SEC14L1: variants seen among roughly 807,000 people sequenced by gnomAD.
SEC14L1 encodes SEC14 like lipid binding 1, also known as SEC14-like protein 1.
In SEC14L1, 48 loss-of-function variants were observed where a neutral mutation model predicts 85.3. That is an observed-to-expected ratio of 0.56 (90% CI 0.45 to 0.72). SEC14L1 has a LOEUF of 0.72. Among genes scored for constraint, SEC14L1 ranks in the 30% least tolerant of loss-of-function variants. The pLI is 0.00. For synonymous variants in SEC14L1, 391 were observed against 355.5 expected, an observed-to-expected ratio of 1.10 and a Z score of -1.12; for missense variants, 682 against 921.4, an observed-to-expected ratio of 0.74 and a Z score of 3.36.
At position 77,191,305 on chromosome 17, in the gene SEC14L1, G is replaced by A. The variant is rs749420346; in HGVS notation, c.338G>A (p.Cys113Tyr). The change falls in exon 5 of 17, where the codon TGC (cysteine) becomes TAC (tyrosine). Residue 113 changes from cysteine to tyrosine, a missense_variant. Cys to Tyr is a radical substitution (Grantham distance 194, BLOSUM62 -2). Coordinates refer to ENST00000436233, the MANE Select transcript of SEC14L1 (RefSeq NM_001143998.2). ...SNRVIINEHCCYTVHPENEDW... is the reference protein window; with the variant it reads ...SNRVIINEHCYYTVHPENEDW... ...CGGGTCATCATTAATGAGCATTGCT[G>A]CTACACCGTGAGTAATCTGTCACTC... 1.9e-6 allele frequency: 3 copies of A among 1,614,138 alleles called. No individual in the cohort carries two copies. The highest frequency in any genetic ancestry group is 1.7e-5 in the Admixed American group (1 of 60,028).
intron 5 of SEC14L1, among the ~76,000 whole-genome samples, chr17:77,192,534 G>A (rs192295745): frequency 8.8e-4 from 134 of 152,248 alleles, no homozygotes; most frequent in Non-Finnish European, 1.3e-4. Context: ...GCTCCAAGGT[G>A]CTCGCTGTGC....
chr17:77,213,776 G>T lies in SEC14L1; in HGVS notation c.2043-142G>T. ...CCGGTCCCCCTGGTGGGTTACTCAT[G>T]TCCATCCCCCGTTTGCAAGCACTGA... On this transcript the variant is annotated intron_variant, in intron 16 of 16. Transcript: ENST00000436233. This position sits in a 1 kb window ranked among gnomAD's most constrained non-coding sequence, Gnocchi z 7.1. 1 of 1,127,612 alleles carries T rather than the reference G, an allele frequency of 8.9e-7. No homozygotes were observed. The highest frequency in any genetic ancestry group is 1.3e-6 in the Non-Finnish European group (1 of 760,150). 69.9% of individuals were successfully genotyped at this position (1,127,612 alleles called of 1,614,324 possible). A position where few individuals can be genotyped will look rare whatever the true frequency, so the allele number is the denominator to read the frequency against.
intron 3 of SEC14L1, among the ~76,000 whole-genome samples, chr17:77,166,829 A>G (rs1292013369): frequency 6.6e-6 from 1 of 152,192 alleles, no homozygotes; most frequent in Non-Finnish European, 1.5e-5. Context: ...ACAGAGCAAG[A>G]CTCAGTCTCA....
intron 3 of SEC14L1, among the ~76,000 whole-genome samples, chr17:77,115,633 C>T (rs1380617185): frequency 2.0e-5 from 3 of 152,164 alleles, no homozygotes; most frequent in Admixed American, 6.5e-5. Context: ...GATGCTGCCC[C>T]CTCCAAGAGA....
exon 1 of SEC14L1, chr17:77,088,821 T>A (rs1253419061): frequency 6.8e-6 from 1 of 146,828 alleles, no homozygotes; most frequent in East Asian, 2.0e-4. Flanking sequence ...GCCTGCGGAA[T>A]TGGGCTCGCC....
At chr17:77,100,137 C>CT (rs1221280414) in intron 3 of SEC14L1, among the ~76,000 whole-genome samples, 1 of 152,264 alleles carries the variant, frequency 6.6e-6, no homozygotes, top group Admixed American at 6.5e-5. Context: ...CGCTGCTTCT[C>CT]TTTGAGTCAT....
Position 77,206,850 on chromosome 17 carries a change from T to C in SEC14L1, c.1464T>C (p.Ser488=). ...AAGAGATTATTCCAGATTTCCTGAGTGGGGAGTGCATGGTATGTCCTGAGG... is the reference window on the plus strand; with the variant it reads ...AAGAGATTATTCCAGATTTCCTGAGCGGGGAGTGCATGGTATGTCCTGAGG... ...IDKEIIPDFL[S]GECMCEVPEG... Residue 488 remains serine (S), a synonymous_variant, in exon 13 of 17, where the codon AGT becomes AGC. Coordinates refer to ENST00000436233, the MANE Select transcript of SEC14L1 (RefSeq NM_001143998.2). The surrounding 1 kb of genome is among the most constrained non-coding windows in gnomAD (Gnocchi z 4.3). 1 of 1,605,694 alleles carries C rather than the reference T, an allele frequency of 6.2e-7. No homozygotes were observed. Among genetic ancestry groups the C allele is most frequent in the Non-Finnish European group, 8.5e-7 (1 of 1,176,642 alleles).
intron 3 of SEC14L1, among the ~76,000 whole-genome samples, chr17:77,135,100 T>G (rs1351876999): frequency 1.3e-5 from 2 of 152,178 alleles, no homozygotes; most frequent in Non-Finnish European, 2.9e-5. Context: ...CTATCTTATT[T>G]CTCGTTCTGT....
At chr17:77,182,192 T>C (rs1186605542) in intron 3 of SEC14L1, among the ~76,000 whole-genome samples, 1 of 152,134 alleles carries the variant, frequency 6.6e-6, no homozygotes, top group Non-Finnish European at 1.5e-5. Flanking sequence ...TTAGGTTGAG[T>C]TTGTTTTGAA....
intron 9 of SEC14L1, among the ~76,000 whole-genome samples, chr17:77,201,836 C>T (rs1976163680): frequency 1.3e-5 from 2 of 152,162 alleles, no homozygotes; most frequent in South Asian, 4.1e-4. Flanking sequence ...AAATGTTTTG[C>T]TTTAAGTAGA....
In SEC14L1 at chr17:77,112,970, A is replaced by C. The variant is rs559492769; in HGVS notation, c.-136+19623A>C. ...CACTTAAGACCAGGAGTTCGAGACC[A>C]GCCTAGGCAGCAAAGCAAGACTCTT... On this transcript the variant is annotated intron_variant, in intron 3 of 19. Transcript: ENST00000392476. Among the ~76,000 whole-genome samples the C allele has an allele frequency of 1.1e-4, 16 of 152,200 alleles. No homozygotes were observed. The East Asian group carries it at 3.1e-3, about 29-fold the overall frequency.
chr17:77,097,688 C>T (rs1221037330), intron 3 of SEC14L1, among the ~76,000 whole-genome samples: 2 of 152,138 alleles, frequency 1.3e-5, no homozygotes, highest in African/African-American at 2.4e-5. Context: ...GAGTACTGTA[C>T]GTTCTCTGGC....
intron 3 of SEC14L1, among the ~76,000 whole-genome samples, chr17:77,168,360 A>G (rs940975108): frequency 6.6e-6 from 1 of 152,192 alleles, no homozygotes; most frequent in African/African-American, 2.4e-5. Flanking sequence ...CCTAGGAACA[A>G]GAGCCTATTT....
At chr17:77,117,132 G>A (rs1972187783) in intron 3 of SEC14L1, among the ~76,000 whole-genome samples, 1 of 152,210 alleles carries the variant, frequency 6.6e-6, no homozygotes, top group Non-Finnish European at 1.5e-5. Flanking sequence ...TGGATCACGT[G>A]AGGTCAGGAG....
At chr17:77,161,922 TTTC>T (rs1316590384) in intron 3 of SEC14L1, among the ~76,000 whole-genome samples, 248 of 148,474 alleles carry the variant, frequency 1.7e-3, no homozygotes, top group African/African-American at 5.3e-3. Context: ...TCTTTTCTTC[TTTC>T]TTCTTCTTCT....
At chr17:77,205,606 C>G (rs760589083) in intron 11 of SEC14L1, among the ~76,000 whole-genome samples, 4 of 152,094 alleles carry the variant, frequency 2.6e-5, no homozygotes, top group Non-Finnish European at 5.9e-5. Context: ...GGCTGCAGAT[C>G]GTTTGCTTGT....
At position 77,109,339 on chromosome 17, in the gene SEC14L1, C is replaced by T. The variant is rs554153786; in HGVS notation, c.-136+15992C>T. Among the ~76,000 whole-genome samples the T allele has an allele frequency of 8.7e-5, 13 of 148,652 alleles. No individual in the cohort carries two copies. The East Asian group carries it at 1.6e-3, about 19-fold the overall frequency. On this transcript the variant is annotated intron_variant, in intron 3 of 19. Coordinates refer to the SEC14L1 transcript ENST00000392476. ...GGCTGGTCTCAAACTCCCAGCCTCA[C>T]GTGATCCTCCTGCCTGGGCCTCCCA...
intron 3 of SEC14L1, among the ~76,000 whole-genome samples, chr17:77,118,909 G>A (rs952240393): frequency 2.6e-5 from 4 of 152,110 alleles, no homozygotes; most frequent in Non-Finnish European, 5.9e-5. Context: ...CACCTTCAGC[G>A]GGATGAAGGA....
At chr17:77,134,990 C>G (rs1972746565) in intron 3 of SEC14L1, among the ~76,000 whole-genome samples, 1 of 152,188 alleles carries the variant, frequency 6.6e-6, no homozygotes, top group Non-Finnish European at 1.5e-5. Context: ...GGTTTCCATT[C>G]TCTCCTCAAC....
Sources: allele counts gnomAD v4.1 joint callset (sites outside exome capture counted in the v4.1 genomes callset), GRCh38; gene constraint gnomAD v4.1.1; non-coding constraint Gnocchi (gnomAD v3.1); transcripts MANE v1.5; gene names NCBI Gene and HGNC (gene_info 2026-07-23, HGNC 2026-07-21).